The following PDE6A variants were observed in gnomAD, a reference collection of about 807,000 sequenced individuals.
PDE6A encodes the protein phosphodiesterase 6A.
Under a neutral mutation model 106.3 loss-of-function variants are expected in PDE6A, and 84 were observed. That is an observed-to-expected ratio of 0.79 (90% CI 0.66 to 0.95). The LOEUF is 0.95. PDE6A is among the 40% of genes least tolerant of loss of function. PDE6A has a pLI of 0.00. For missense variants in PDE6A, 1,052 were observed against 1,084.9 expected (o/e 0.97, Z 0.43); for synonymous variants, 394 against 386.6 (o/e 1.02, Z -0.23).
rs111837749 is a variant in PDE6A at position 149,906,780 on chromosome 5, A to T, written c.1065+532T>A. 8.9e-3 allele frequency among the ~76,000 whole-genome samples: 1,337 copies of T among 150,308 alleles called. 7 individuals are homozygous for T. Among genetic ancestry groups the T allele is most frequent in the Non-Finnish European group, 0.013 (886 of 67,470 alleles). The stretch of plus-strand genomic sequence containing the variant: ...TTTTTATTTTGTTTTATTTATTATT[A>T]TTTTTTTTTGAGATGGAGTCTCACT... On this transcript the variant is annotated intron_variant, in intron 7 of 21. Transcript: ENST00000255266.
Position 149,902,357 on chromosome 5 carries a change from C to A in PDE6A, c.1113+1291G>T, listed in dbSNP as rs1266480208. ...CGATGCCCCTCCTCTCCCCTCTGCCCTTCTCCTAATCACCACTCGGTGTCT... is the reference window on the plus strand; with the variant it reads ...CGATGCCCCTCCTCTCCCCTCTGCCATTCTCCTAATCACCACTCGGTGTCT... On this transcript the variant is annotated intron_variant, in intron 8 of 21. Coordinates refer to ENST00000255266, the MANE Select transcript of PDE6A (RefSeq NM_000440.3). Among the ~76,000 whole-genome samples, 3 of 152,160 alleles carry A rather than the reference C, an allele frequency of 2.0e-5. No individual in the cohort carries two copies. The East Asian group carries it at 5.8e-4, about 29-fold the overall frequency.
At chr5:149,908,249 T>G (rs1045675144) in intron 6 of PDE6A, among the ~76,000 whole-genome samples, 1 of 152,222 alleles carries the variant, frequency 6.6e-6, no homozygotes, top group African/African-American at 2.4e-5. Flanking sequence ...ACATCCCCCA[T>G]CCCTTCACTT....
rs1754015065 is a variant in PDE6A, at chr5:149,930,952, T to G, written c.858+76A>C. The stretch of plus-strand genomic sequence containing the variant: ...GCCTCTTCCCCCGTGCAATTGAATG[T>G]GTGCCAAGACTCTAGCCGTCAGTCA... On this transcript the variant is annotated intron_variant, in intron 4 of 21. Transcript: ENST00000255266. 5 of 1,451,010 alleles carry G rather than the reference T, an allele frequency of 3.4e-6. No homozygotes were observed. In the South Asian group the frequency reaches 5.7e-5, roughly 17 times the overall value. 89.9% of individuals were successfully genotyped at this position (1,451,010 alleles called of 1,614,324 possible). A position where few individuals can be genotyped will look rare whatever the true frequency, so the allele number is the denominator to read the frequency against.
At chr5:149,878,741 A>G (rs975329406) in intron 17 of PDE6A, among the ~76,000 whole-genome samples, 1 of 152,202 alleles carries the variant, frequency 6.6e-6, no homozygotes, top group Non-Finnish European at 1.5e-5. Context: ...GTAGTTTTAT[A>G]ATCACCGTCT....
chr5:149,934,104 T>A, intron 2 of PDE6A, 85 bp from the exon 3 acceptor site: 1 of 790,134 alleles, frequency 1.3e-6, no homozygotes, highest in Non-Finnish European at 2.2e-6. Flanking sequence ...AATATCTGAA[T>A]ATTTTCAAAG....
chr5:149,913,814 A>G (rs1753465620), intron 6 of PDE6A, among the ~76,000 whole-genome samples: 1 of 152,206 alleles, frequency 6.6e-6, no homozygotes. Flanking sequence ...TAGGTTTTTG[A>G]GAAAGGTCTA....
intron 6 of PDE6A, among the ~76,000 whole-genome samples, chr5:149,911,104 G>A (rs1398933329): frequency 6.6e-6 from 1 of 151,770 alleles, no homozygotes; most frequent in Non-Finnish European, 1.5e-5. Context: ...TGGTCTCAAA[G>A]TCCTGAGCTC....
At chr5:149,864,240 A>T (rs1760244160) in intron 20 of PDE6A, among the ~76,000 whole-genome samples, 2 of 119,068 alleles carry the variant, frequency 1.7e-5, no homozygotes, top group East Asian at 4.1e-4. Context: ...TGTTGAGAAG[A>T]TGATTTTTTT....
chr5:149,938,887 G>T (rs540510226), intron 1 of PDE6A, among the ~76,000 whole-genome samples: 1 of 152,154 alleles, frequency 6.6e-6, no homozygotes, highest in African/African-American at 2.4e-5. Context: ...TTGTGATTTC[G>T]CATTTCAACA....
intron 13 of PDE6A, among the ~76,000 whole-genome samples, chr5:149,889,423 T>G (rs1025171097): frequency 1.3e-5 from 2 of 151,868 alleles, no homozygotes; most frequent in African/African-American, 4.8e-5. Flanking sequence ...GTATTTTTAT[T>G]TATTTATTTA....
chr5:149,896,509 AAGGAATAGAGTC>A lies in PDE6A; in HGVS notation c.1474-19_1474-8del. ...CATCTGGCAGCTCCGCTTGCTGTAT[AAGGAATAGAGTC>A]AGGTGATTAGGAAACATGAAGTGTT... On this transcript the variant is annotated splice_region_variant and splice_polypyrimidine_tract_variant and intron_variant, in intron 11 of 21. Transcript: ENST00000255266. 3 of 1,614,186 alleles carry A rather than the reference AAGGAATAGAGTC, an allele frequency of 1.9e-6. No homozygotes were observed. Among genetic ancestry groups the A allele is most frequent in the Non-Finnish European group, 2.5e-6 (3 of 1,180,046 alleles).
chr5:149,887,109 C>G (rs995946169), intron 13 of PDE6A, among the ~76,000 whole-genome samples: 1 of 152,122 alleles, frequency 6.6e-6, no homozygotes, highest in Non-Finnish European at 1.5e-5. Context: ...ACATAAAAGT[C>G]TCCGAACCCT....
chr5:149,866,393 A>G (rs964961568), intron 19 of PDE6A, 140 bp from the exon 20 acceptor site: 2 of 668,472 alleles, frequency 3.0e-6, no homozygotes, highest in Non-Finnish European at 2.7e-6. Context: ...ATAGGAGAAT[A>G]GAGAAACATG....
rs79005463 is a variant in PDE6A, at chr5:149,907,102, T to C, written c.1065+210A>G. ...TATGCACCTTTCTACCTAAGGATTA[T>C]TTATCTATGTATTTGATATTTCCTC... On this transcript the variant is annotated intron_variant, in intron 7 of 21. Coordinates refer to ENST00000255266, the MANE Select transcript of PDE6A (RefSeq NM_000440.3). Among the ~76,000 whole-genome samples the C allele has an allele frequency of 3.3e-5, 5 of 152,326 alleles. No homozygotes were observed. The East Asian group carries it at 5.8e-4, about 18-fold the overall frequency.
intron 17 of PDE6A, among the ~76,000 whole-genome samples, chr5:149,874,200 T>G (rs924215136): frequency 6.6e-6 from 1 of 152,128 alleles, no homozygotes; most frequent in African/African-American, 2.4e-5. Context: ...ACTAAATTCC[T>G]ATAGTTAGCA....
chr5:149,893,253 A>G (rs188601207), intron 13 of PDE6A, among the ~76,000 whole-genome samples: 1 of 152,134 alleles, frequency 6.6e-6, no homozygotes, highest in East Asian at 1.9e-4. Context: ...CTACCGCAAA[A>G]CTTTAGGGCC....
intron 7 of PDE6A, among the ~76,000 whole-genome samples, chr5:149,905,831 A>C (rs1295701553): frequency 6.6e-6 from 1 of 152,076 alleles, no homozygotes; most frequent in Non-Finnish European, 1.5e-5. Context: ...ACTTCCCAGG[A>C]AGCTGCTAGA....
intron 5 of PDE6A, among the ~76,000 whole-genome samples, chr5:149,917,918 C>T (rs574842552): frequency 1.3e-5 from 2 of 152,216 alleles, no homozygotes; most frequent in South Asian, 2.1e-4. Flanking sequence ...GAGTCCCTGC[C>T]CCTTTGTTCT....
chr5:149,882,591 C>T (rs926752172), intron 17 of PDE6A, among the ~76,000 whole-genome samples: 1 of 152,084 alleles, frequency 6.6e-6, no homozygotes, highest in Non-Finnish European at 1.5e-5. Flanking sequence ...ATTCACCAGA[C>T]AACTTAAATT....
Sources: gnomAD v4.1 joint callset for allele counts (sites outside exome capture counted in the v4.1 genomes callset) on GRCh38, gnomAD v4.1.1 for gene constraint, MANE v1.5 for transcripts, NCBI Gene and HGNC (gene_info 2026-07-23, HGNC 2026-07-21) for gene names.